Variants in COX16 observed in about 807,000 individuals in gnomAD.
The protein encoded by COX16 is cytochrome c oxidase assembly factor COX16, also known as cytochrome c oxidase assembly protein COX16 homolog, mitochondrial.
COX16 carries 12 observed loss-of-function variants against 15.4 expected under a neutral mutation model. The observed-to-expected ratio is 0.78, with a 90% CI of 0.50 to 1.26. COX16 has a LOEUF of 1.26. Ranked by LOEUF, COX16 falls within the 50% of genes most tolerant of loss-of-function variation. COX16 has a pLI of 0.00. For missense variants in COX16, 124 were observed against 127.6 expected, an observed-to-expected ratio of 0.97 and a Z score of 0.14; for synonymous variants, 46 against 41.1, an observed-to-expected ratio of 1.12 and a Z score of -0.46.
rs747064790 is a variant in COX16, at chr14:70,359,470, AAGG to A, written c.69+46_69+48del. On this transcript the variant is annotated intron_variant, in intron 1 of 3. Coordinates refer to ENST00000389912, the MANE Select transcript of COX16 (RefSeq NM_016468.7). ...TTCCCTCCCAGGTCTTGATCCTGCC[AAGG>A]AGGAGGGTCCCACCCCTTGCGGAAG... 58 of 1,525,966 alleles carry A rather than the reference AAGG, an allele frequency of 3.8e-5. No homozygotes were observed. The African/African-American group carries it at 5.6e-4, about 15-fold the overall frequency. The allele number at this position is 1,525,966 out of a possible 1,614,324, so 94.5% of individuals were successfully genotyped here.
intron 2 of COX16, among the ~76,000 whole-genome samples, chr14:70,333,025 G>A (rs1251495972): frequency 6.6e-6 from 1 of 152,218 alleles, no homozygotes; most frequent in Admixed American, 6.5e-5. Flanking sequence ...CTAGGGCTGA[G>A]GCAGCTCAGG....
At chr14:70,328,097 T>TTTTTTTTTTTTTTTTTA (rs1886149105) in intron 3 of COX16, 1 of 116,142 alleles carries the variant, frequency 8.6e-6, no homozygotes, top group South Asian at 2.6e-4. Flanking sequence ...TTTTTTTTTT[T>TTTTTTTTTTTTTTTTTA]GAGACGGAGT....
At chr14:70,357,935 G>A (rs772196711) in intron 1 of COX16, among the ~76,000 whole-genome samples, 37 of 152,202 alleles carry the variant, frequency 2.4e-4, no homozygotes, top group Non-Finnish European at 3.7e-4. Context: ...CACACAAAGC[G>A]TGTACATAAA....
At chr14:70,334,272 C>T (rs578259415) in intron 2 of COX16, among the ~76,000 whole-genome samples, 7 of 152,280 alleles carry the variant, frequency 4.6e-5, no homozygotes, top group African/African-American at 1.7e-4. Flanking sequence ...TCTGTAATCC[C>T]AGCATCCTGG....
At chr14:70,327,916 T>C (rs1459508997) in intron 3 of COX16, among the ~76,000 whole-genome samples, 1 of 151,942 alleles carries the variant, frequency 6.6e-6, no homozygotes, top group East Asian at 1.9e-4. Context: ...TGGAACAGCG[T>C]CAAGAAATGC....
intron 2 of COX16, among the ~76,000 whole-genome samples, chr14:70,335,578 C>A (rs1262388079): frequency 7.0e-6 from 1 of 142,748 alleles, no homozygotes; most frequent in Admixed American, 7.1e-5. Context: ...AAATTATACA[C>A]AACGCTCCTG....
intron 1 of COX16, among the ~76,000 whole-genome samples, chr14:70,354,837 T>TGC (rs1555345893): frequency 1.1e-5 from 1 of 90,220 alleles, no homozygotes; most frequent in African/African-American, 4.2e-5. Context: ...AGAGTGTGTG[T>TGC]GTGCGTGTGT....
chr14:70,328,925 C>A (rs1315061192), intron 3 of COX16, among the ~76,000 whole-genome samples: 1 of 151,926 alleles, frequency 6.6e-6, no homozygotes, highest in African/African-American at 2.4e-5. Context: ...AAACAAAATT[C>A]TCCATTTATA....
chr14:70,327,679 C>T (rs1886126326), intron 3 of COX16, among the ~76,000 whole-genome samples: 1 of 151,888 alleles, frequency 6.6e-6, no homozygotes, highest in Admixed American at 6.6e-5. Context: ...AGAATAATGG[C>T]CATTATCCAG....
At chr14:70,335,536 A>C (rs1427782763) in intron 2 of COX16, among the ~76,000 whole-genome samples, 1 of 151,970 alleles carries the variant, frequency 6.6e-6, no homozygotes, top group African/African-American at 2.4e-5. Context: ...ATCAATAACA[A>C]GAGGAGCTTT....
At chr14:70,329,721 CAAAAAAAA>C (rs199721497) in intron 2 of COX16, among the ~76,000 whole-genome samples, 1 of 117,970 alleles carries the variant, frequency 8.5e-6, no homozygotes, top group Admixed American at 8.7e-5. Flanking sequence ...AGATATCTAC[CAAAAAAAA>C]AAAAAAAAAA....
chr14:70,346,077 G>A (rs1452257107), intron 1 of COX16, among the ~76,000 whole-genome samples: 2 of 151,462 alleles, frequency 1.3e-5, no homozygotes, highest in African/African-American at 2.4e-5. Context: ...GCCACCTTAC[G>A]CCCCTGCCTA....
chr14:70,344,780 G>C lies in COX16; in HGVS notation c.70-2051C>G, dbSNP rs150455181. On this transcript the variant is annotated intron_variant, in intron 1 of 3. Transcript: ENST00000389912. ...CAGCAAGATAGCAGAAGCAGGAAGA[G>C]AGCCGGCCGGAAAATACGTACCCCT... Among the ~76,000 whole-genome samples the C allele has an allele frequency of 2.6e-5, 4 of 152,280 alleles. No individual in the cohort carries two copies. The East Asian group carries it at 7.7e-4, about 29-fold the overall frequency.
intron 1 of COX16, among the ~76,000 whole-genome samples, chr14:70,345,070 C>T (rs1886735783): frequency 1.3e-5 from 2 of 152,278 alleles, no homozygotes; most frequent in Admixed American, 1.3e-4. Flanking sequence ...AGGTTCTGGT[C>T]CACGTCCCCT....
chr14:70,330,569 T>C (rs908762185), intron 2 of COX16, among the ~76,000 whole-genome samples: 2 of 152,186 alleles, frequency 1.3e-5, no homozygotes, highest in African/African-American at 4.8e-5. Flanking sequence ...TGCAGAATTC[T>C]TAGTGTAAAA....
Position 70,342,641 on chromosome 14 carries a change from CTAATTA to C in COX16, c.141+11_141+16del, listed in dbSNP as rs746679453. 27 of 1,607,694 alleles carry C rather than the reference CTAATTA, an allele frequency of 1.7e-5. No homozygotes were observed. Among genetic ancestry groups the C allele is most frequent in the Non-Finnish European group, 2.2e-5 (26 of 1,178,260 alleles). ...CATATAGACAGACACATGTCAAACT[CTAATTA>C]TATTTCTTACTTTACTCTTCACAGC... On this transcript the variant is annotated intron_variant, in intron 2 of 3. Transcript: ENST00000389912.
At chr14:70,356,363 C>A (rs1308395448) in intron 1 of COX16, among the ~76,000 whole-genome samples, 3 of 152,150 alleles carry the variant, frequency 2.0e-5, no homozygotes, top group Non-Finnish European at 4.4e-5. Flanking sequence ...CACCTCTGAT[C>A]TGACAGGAGG....
At chr14:70,350,169 A>G (rs927058519) in intron 1 of COX16, among the ~76,000 whole-genome samples, 19 of 152,278 alleles carry the variant, frequency 1.2e-4, no homozygotes, top group African/African-American at 4.1e-4. Flanking sequence ...CCCAGTCCCA[A>G]GGCTCAAGGC....
chr14:70,345,517 A>G (rs1886752279), intron 1 of COX16, among the ~76,000 whole-genome samples: 1 of 152,184 alleles, frequency 6.6e-6, no homozygotes, highest in Admixed American at 6.5e-5. Context: ...AAAAACCTGC[A>G]AACCTTAGGC....
Sources: gnomAD v4.1 joint callset for allele counts (sites outside exome capture counted in the v4.1 genomes callset) on GRCh38, gnomAD v4.1.1 for gene constraint, MANE v1.5 for transcripts, NCBI Gene and HGNC (gene_info 2026-07-23, HGNC 2026-07-21) for gene names.